The following CACNA1I variants were observed in gnomAD, a reference collection of about 807,000 sequenced individuals.
The protein encoded by CACNA1I is calcium voltage-gated channel subunit alpha1 I.
Under a neutral mutation model 201.6 loss-of-function variants are expected in CACNA1I, and 74 were observed. The observed-to-expected ratio is 0.37, with a 90% CI of 0.30 to 0.45. The LOEUF (loss-of-function observed/expected upper bound fraction) is 0.45, where lower values mean the gene tolerates loss of function less well. Ranked by LOEUF, CACNA1I falls within the 20% of genes least tolerant of loss-of-function variation. The probability of loss-of-function intolerance (pLI) is 1.00; values close to 1 mark genes in which losing one functional copy is unlikely to be tolerated. For synonymous variants in CACNA1I, 1,431 were observed against 1,345.2 expected (o/e 1.06, Z -1.40); for missense variants, 2,346 against 3,138.1 (o/e 0.75, Z 6.03).
In CACNA1I at chr22:39,664,882, C is replaced by A. The variant is rs184194154; in HGVS notation, c.3810C>A (p.Val1270=). ...ASAGGAKILG[V]LRVLRLLRTL... ...CCGGGGGAGCCAAGATCTTGGGGGT[C>A]CTCCGAGTCTTGCGGCTCCTGCGCA... The change falls in exon 21 of 37, where the codon GTC becomes GTA. Residue 1270 remains valine, a synonymous_variant. Coordinates refer to ENST00000402142, the MANE Select transcript of CACNA1I (RefSeq NM_021096.4). 3.7e-6 allele frequency: 6 copies of A among 1,612,996 alleles called. No homozygotes were observed. The highest frequency in any genetic ancestry group is 1.1e-5 in the South Asian group (1 of 91,082).
chr22:39,594,472 C>T (rs919934864), intron 1 of CACNA1I, among the ~76,000 whole-genome samples: 26 of 152,088 alleles, frequency 1.7e-4, no homozygotes, highest in African/African-American at 5.3e-4. Flanking sequence ...GGCTCAGGCT[C>T]GAAGGGGGCC....
In CACNA1I at chr22:39,659,908, G is replaced by A. The variant is rs554980137; in HGVS notation, c.2604+56G>A. 2.9e-5 allele frequency: 47 copies of A among 1,602,674 alleles called. No individual in the cohort carries two copies. Among genetic ancestry groups the A allele is most frequent in the Admixed American group, 5.0e-5 (3 of 59,798 alleles). On this transcript the variant is annotated intron_variant, in intron 14 of 36. Transcript: ENST00000402142. This position sits in a 1 kb window ranked among gnomAD's most constrained non-coding sequence, Gnocchi z 4.3. ...CCACAGGGTCTGCGAAAGACTGGGC[G>A]AGGGAGAGGTGGCCTGGATGGGGGA... is the stretch of plus-strand genomic sequence containing the variant.
chr22:39,686,021 C>G lies in CACNA1I; in HGVS notation c.6288C>G (p.Gly2096=), dbSNP rs1413273431. The G allele has an allele frequency of 8.0e-7, 1 of 1,242,558 alleles. No individual in the cohort carries two copies. 77.0% of individuals were successfully genotyped at this position (1,242,558 alleles called of 1,614,324 possible). ...SHSSGGSTSP[G]CTHHDSMDPS... is the part of the protein sequence containing the mutation. ...GCAGCGGGGGCTCCACCAGCCCGGG[C>G]TGCACCCACCACGACTCCATGGACC... Residue 2096 remains glycine, a synonymous_variant, in exon 37 of 37, where the codon GGC becomes GGG. Transcript: ENST00000402142.
intron 28 of CACNA1I, among the ~76,000 whole-genome samples, chr22:39,673,575 G>T (rs567612425): frequency 6.6e-6 from 1 of 152,208 alleles, no homozygotes; most frequent in Non-Finnish European, 1.5e-5. Flanking sequence ...TCTTCTGCCT[G>T]CCAGAAACTC....
intron 3 of CACNA1I, among the ~76,000 whole-genome samples, chr22:39,612,773 G>T (rs1319828782): frequency 2.0e-5 from 3 of 152,166 alleles, no homozygotes; most frequent in Non-Finnish European, 4.4e-5. Flanking sequence ...TAAATCATGA[G>T]GTGCTGGCCA....
At chr22:39,646,525 C>T in intron 7 of CACNA1I, 44 bp from the exon 8 acceptor site, 1 of 1,502,288 alleles carries the variant, frequency 6.7e-7, no homozygotes, top group Non-Finnish European at 8.9e-7. Context: ...TCTGTCCCCT[C>T]CATCCCTGTC....
chr22:39,605,427 C>T (rs913231946), intron 3 of CACNA1I, among the ~76,000 whole-genome samples: 9 of 152,166 alleles, frequency 5.9e-5, no homozygotes, highest in African/African-American at 1.7e-4. Flanking sequence ...CTTTCTTTCA[C>T]GGAGCTGAAA....
chr22:39,621,543 C>G (rs777807370), intron 4 of CACNA1I, among the ~76,000 whole-genome samples: 2 of 152,136 alleles, frequency 1.3e-5, no homozygotes, highest in Admixed American at 6.5e-5. Context: ...AGCAAGGTGA[C>G]CAGGAGGGTG....
At chr22:39,683,285 G>A (rs1935756626) in intron 35 of CACNA1I, among the ~76,000 whole-genome samples, 1 of 152,184 alleles carries the variant, frequency 6.6e-6, no homozygotes, top group African/African-American at 2.4e-5. Flanking sequence ...ACTGGCTGTG[G>A]AGGGAGGCAG....
chr22:39,662,393 CGACCGCGGG>C lies in CACNA1I; in HGVS notation c.3333_3341del (p.Asp1114_Gly1116del). The C allele has an allele frequency of 6.8e-7, 1 of 1,471,858 alleles. No individual in the cohort carries two copies. The highest frequency in any genetic ancestry group is 8.9e-7 in the Non-Finnish European group (1 of 1,120,368). The allele number at this position is 1,471,858 out of a possible 1,614,324, so 91.2% of individuals were successfully genotyped here. On this transcript the variant is annotated inframe_deletion, in exon 17 of 37. Transcript: ENST00000402142. Reference sequence around the variant, plus strand: ...CCAAAGACGTCTTCACCAAGATGGGCGACCGCGGGGATCGCGGGGAGGATGAGGAGGAAA... The same window carrying C: ...CCAAAGACGTCTTCACCAAGATGGGCGATCGCGGGGAGGATGAGGAGGAAA...
At chr22:39,610,310 C>A (rs1478196790) in intron 3 of CACNA1I, among the ~76,000 whole-genome samples, 1 of 152,158 alleles carries the variant, frequency 6.6e-6, no homozygotes, top group Non-Finnish European at 1.5e-5. Flanking sequence ...GTCTGTTGCA[C>A]CCAGGCACGA....
intron 1 of CACNA1I, among the ~76,000 whole-genome samples, chr22:39,576,256 C>T (rs1932347500): frequency 6.6e-6 from 1 of 152,240 alleles, no homozygotes; most frequent in South Asian, 2.1e-4. Context: ...CAAAAATGTG[C>T]AGGATGAGAG....
rs181538393 is a variant in CACNA1I, at chr22:39,625,834, C to T, written c.580+6427C>T. Among the ~76,000 whole-genome samples the T allele has an allele frequency of 4.8e-3, 729 of 152,162 alleles. 7 individuals are homozygous for T. The highest frequency in any genetic ancestry group is 0.016 in the African/African-American group (678 of 41,506). On this transcript the variant is annotated intron_variant, in intron 4 of 36. Transcript: ENST00000402142. ...GCTGAATTATCTCTAAATGTGCCCC[C>T]GCCCCACCCCACCCCCAGCCTGTAC...
chr22:39,576,854 C>A (rs574554847), intron 1 of CACNA1I, among the ~76,000 whole-genome samples: 2 of 152,224 alleles, frequency 1.3e-5, no homozygotes, highest in Non-Finnish European at 2.9e-5. Context: ...CTCCTGACCG[C>A]GCCTTGCCCC....
rs753563664 is a variant in CACNA1I at position 39,598,175 on chromosome 22, G to A, written c.261G>A (p.Leu87=). The change falls in exon 2 of 37, where the codon CTG becomes CTA. Residue 87 remains leucine (L), a synonymous_variant. Coordinates refer to ENST00000402142, the MANE Select transcript of CACNA1I (RefSeq NM_021096.4). ...CNPWFECVSM[L]VILLNCVTLG... ...CGTGGTTTGAATGTGTCAGCATGCT[G>A]GTGATCCTGCTGAACTGCGTGACAC... is the stretch of plus-strand genomic sequence containing the variant. The A allele has an allele frequency of 6.2e-6, 10 of 1,604,340 alleles. No individual in the cohort carries two copies. Among genetic ancestry groups the A allele is most frequent in the Non-Finnish European group, 8.5e-6 (10 of 1,175,086 alleles).
At position 39,687,387 on chromosome 22, in the gene CACNA1I, C is replaced by T. The variant is rs1210919039; in HGVS notation, c.*982C>T. On this transcript the variant is annotated 3_prime_UTR_variant, in exon 37 of 37. Transcript: ENST00000402142. The stretch of plus-strand genomic sequence containing the variant: ...GGCTCCAGCTGCCCTGCAGGTGCCC[C>T]TGGGCTCAGGTAGTTAGTTGTTCAG... 6.6e-6 allele frequency: 1 copy of T among 152,330 alleles called. No individual in the cohort carries two copies. Among genetic ancestry groups the T allele is most frequent in the Non-Finnish European group, 1.5e-5 (1 of 68,168 alleles). The allele number at this position is 152,330 out of a possible 1,614,324, so 9.4% of individuals were successfully genotyped here. A position where few individuals can be genotyped will look rare whatever the true frequency, so the allele number is the denominator to read the frequency against.
At chr22:39,603,518 G>C (rs1207691565) in intron 3 of CACNA1I, among the ~76,000 whole-genome samples, 2 of 151,736 alleles carry the variant, frequency 1.3e-5, no homozygotes, top group African/African-American at 4.8e-5. Flanking sequence ...TTTTATGGAT[G>C]CCTGCTCTTG....
chr22:39,570,856 C>G lies in CACNA1I; in HGVS notation c.104C>G (p.Pro35Arg), dbSNP rs372403873. 6 of 1,613,354 alleles carry G rather than the reference C, an allele frequency of 3.7e-6. No individual in the cohort carries two copies. Among genetic ancestry groups the G allele is most frequent in the Admixed American group, 1.7e-5 (1 of 59,998 alleles). The part of the protein sequence containing the change: ...QPGPRSPPSS[P>R]PGLEEPLDGA... ...GGACCCCGGAGCCCCCCATCCTCCC[C>G]GCCAGGCCTGGAGGAGCCTCTGGAT... Residue 35 changes from proline (P) to arginine (R), a missense_variant, in exon 1 of 37, where the codon CCG becomes CGG. By Grantham distance (103) the Pro-to-Arg change is moderately radical (BLOSUM62 -2). Coordinates refer to ENST00000402142, the MANE Select transcript of CACNA1I (RefSeq NM_021096.4).
intron 4 of CACNA1I, among the ~76,000 whole-genome samples, chr22:39,630,207 A>G (rs1287438249): frequency 6.6e-6 from 1 of 151,602 alleles, no homozygotes; most frequent in African/African-American, 2.4e-5. Flanking sequence ...CCCCCTATTT[A>G]ATGTTCACCC....
Sources: gnomAD v4.1 joint callset for allele counts (sites outside exome capture counted in the v4.1 genomes callset) on GRCh38, gnomAD v4.1.1 for gene constraint, Gnocchi (gnomAD v3.1) non-coding constraint, MANE v1.5 for transcripts, NCBI Gene and HGNC (gene_info 2026-07-23, HGNC 2026-07-21) for gene names.